Variants in INVS observed in about 807,000 individuals in gnomAD.
The protein encoded by INVS is inversin.
In INVS, 86 loss-of-function variants were observed where a neutral mutation model predicts 108.8. The ratio of observed to expected loss-of-function variants is 0.79; its 90% CI spans 0.66 to 0.95. INVS has a LOEUF of 0.95. Among genes scored for constraint, INVS ranks in the 40% least tolerant of loss-of-function variants. The pLI, the probability that INVS is intolerant of heterozygous loss-of-function variation, is 0.00. For missense variants in INVS, 1,169 were observed against 1,297.4 expected, an observed-to-expected ratio of 0.90 and a Z score of 1.52; for synonymous variants, 455 against 473.5, an observed-to-expected ratio of 0.96 and a Z score of 0.51.
intron 3 of INVS, among the ~76,000 whole-genome samples, chr9:100,191,385 T>A (rs1419274474): frequency 2.0e-5 from 3 of 152,172 alleles, no homozygotes; most frequent in African/African-American, 7.2e-5. Context: ...TTTAATTATA[T>A]TTTCTTTACT....
chr9:100,152,104 C>T (rs1828825021), intron 3 of INVS, among the ~76,000 whole-genome samples: 1 of 152,194 alleles, frequency 6.6e-6, no homozygotes, highest in Admixed American at 6.5e-5. Context: ...TTTGTTCCTC[C>T]AGTACCTTGT....
At chr9:100,105,869 T>TTTTTTTTTTC (rs1827160993) in intron 2 of INVS, among the ~76,000 whole-genome samples, 1 of 145,596 alleles carries the variant, frequency 6.9e-6, no homozygotes, top group East Asian at 2.0e-4. Flanking sequence ...TTTTTTTTTT[T>TTTTTTTTTTC]TTTTTTGCCT....
intron 8 of INVS, 66 bp from the exon 9 acceptor site, chr9:100,252,217 A>G (rs1167075941): frequency 1.4e-6 from 2 of 1,446,708 alleles, no homozygotes; most frequent in African/African-American, 1.4e-5. Context: ...AGGAAAAGAC[A>G]TATAATAATT....
chr9:100,260,958 G>A (rs1832602553), intron 10 of INVS, among the ~76,000 whole-genome samples: 1 of 152,028 alleles, frequency 6.6e-6, no homozygotes, highest in East Asian at 1.9e-4. Flanking sequence ...ATATGATTAG[G>A]CTCTCATATA....
At chr9:100,170,914 GT>G (rs1302736167) in intron 3 of INVS, among the ~76,000 whole-genome samples, 2 of 152,192 alleles carry the variant, frequency 1.3e-5, no homozygotes, top group Non-Finnish European at 2.9e-5. Flanking sequence ...TAGTATTCCT[GT>G]GTTAAATGCT....
At chr9:100,171,272 A>G (rs1454505215) in intron 3 of INVS, among the ~76,000 whole-genome samples, 3 of 152,212 alleles carry the variant, frequency 2.0e-5, no homozygotes, top group Non-Finnish European at 2.9e-5. Context: ...ACGTTTAGAC[A>G]CATGAATACT....
In INVS at chr9:100,288,508, G is replaced by T. The variant is rs373853619; in HGVS notation, c.2069-3818G>T. Among the ~76,000 whole-genome samples, 5 of 152,074 alleles carry T rather than the reference G, an allele frequency of 3.3e-5. No homozygotes were observed. In the South Asian group the frequency reaches 8.3e-4, roughly 25 times the overall value. ...GCTTTGCTCTAATTTGAGTGGCTTA[G>T]ATTTCTGTGGGAAAATGCCCTTGAG... On this transcript the variant is annotated intron_variant, in intron 13 of 16. Coordinates refer to ENST00000262457, the MANE Select transcript of INVS (RefSeq NM_014425.5).
chr9:100,135,453 AT>A (rs1828194435), intron 3 of INVS, among the ~76,000 whole-genome samples: 1 of 152,190 alleles, frequency 6.6e-6, no homozygotes, highest in Non-Finnish European at 1.5e-5. Flanking sequence ...GGGCCAGAGA[AT>A]GTGCTTATCT....
At chr9:100,105,850 C>CTTTTTTTTTTTTTTTTT (rs543070811) in intron 2 of INVS, among the ~76,000 whole-genome samples, 22 of 63,836 alleles carry the variant, frequency 3.4e-4, no homozygotes, top group Admixed American at 5.1e-4. Flanking sequence ...GAAAAATTCC[C>CTTTTTTTTTTTTTTTTT]TTTTTTTTTT....
chr9:100,271,519 G>T (rs1244425583), intron 11 of INVS, among the ~76,000 whole-genome samples: 5 of 152,162 alleles, frequency 3.3e-5, no homozygotes, highest in African/African-American at 9.7e-5. Context: ...AGAGTGAAAC[G>T]GCTATGTCAA....
At chr9:100,221,101 G>A (rs939552414) in intron 3 of INVS, among the ~76,000 whole-genome samples, 15 of 152,122 alleles carry the variant, frequency 9.9e-5, no homozygotes, top group African/African-American at 2.7e-4. Flanking sequence ...TTTCTGTAAT[G>A]AGAAGGTTTT....
chr9:100,230,025 C>T (rs1397796998), intron 5 of INVS, among the ~76,000 whole-genome samples, 198 bp downstream of exon 5: 1 of 152,062 alleles, frequency 6.6e-6, no homozygotes, highest in Admixed American at 6.6e-5. Context: ...TTCCTATGTC[C>T]CAGTTTTTAA....
At chr9:100,203,366 G>C (rs1294994754) in intron 3 of INVS, among the ~76,000 whole-genome samples, 1 of 151,742 alleles carries the variant, frequency 6.6e-6, no homozygotes, top group African/African-American at 2.4e-5. Flanking sequence ...TTGTCTTTGT[G>C]AACATTTTTT....
chr9:100,186,307 G>A (rs947593203), intron 3 of INVS, among the ~76,000 whole-genome samples: 3 of 151,856 alleles, frequency 2.0e-5, no homozygotes, highest in East Asian at 1.9e-4. Context: ...CCACCACCAC[G>A]CCTGGCTAAT....
intron 2 of INVS, among the ~76,000 whole-genome samples, chr9:100,106,608 G>A (rs985241744): frequency 3.3e-5 from 5 of 152,176 alleles, no homozygotes; most frequent in African/African-American, 9.7e-5. Flanking sequence ...CAACTACTAA[G>A]CAGTTGAACC....
At position 100,252,996 on chromosome 9, in the gene INVS, T is replaced by C. The variant is rs1292747543; in HGVS notation, c.1324T>C (p.Leu442=). 1 of 1,613,980 alleles carries C rather than the reference T, an allele frequency of 6.2e-7. No individual in the cohort carries two copies. The change falls in exon 10 of 17, where the codon TTA becomes CTA. Residue 442 remains leucine, a synonymous_variant. Coordinates refer to ENST00000262457, the MANE Select transcript of INVS (RefSeq NM_014425.5). ...LGGNADVCQI[L]IENKINPNVQ... Reference sequence around the variant, plus strand: ...AGGAAATGCTGATGTTTGCCAGATATTAATAGAAAATAAGATCAATCCAAA... The same window carrying C: ...AGGAAATGCTGATGTTTGCCAGATACTAATAGAAAATAAGATCAATCCAAA...
At chr9:100,116,159 A>G (rs1827517776) in intron 2 of INVS, among the ~76,000 whole-genome samples, 1 of 145,686 alleles carries the variant, frequency 6.9e-6, no homozygotes, top group South Asian at 2.1e-4. Flanking sequence ...GCTGGAGTGC[A>G]GTGGTGCAAT....
intron 13 of INVS, among the ~76,000 whole-genome samples, chr9:100,288,107 G>A (rs543401673): frequency 1.3e-5 from 2 of 152,256 alleles, no homozygotes; most frequent in African/African-American, 4.8e-5. Flanking sequence ...AAAACCAGCT[G>A]GTCACATTTT....
rs1208611550 is a variant in INVS at position 100,252,346 on chromosome 9, C to T, written c.1142C>T (p.Ala381Val). 2 of 1,613,936 alleles carry T rather than the reference C, an allele frequency of 1.2e-6. No individual in the cohort carries two copies. The highest frequency in any genetic ancestry group is 2.2e-5 in the South Asian group (2 of 91,072). The change falls in exon 9 of 17, where the codon GCT becomes GTT. Residue 381 changes from alanine (A) to valine (V), a missense_variant. Coordinates refer to ENST00000262457, the MANE Select transcript of INVS (RefSeq NM_014425.5). ...STVKLLLENN[A>V]QVDATDVMKH... ...GTGAAGTTATTACTGGAAAATAATG[C>T]TCAAGTAGATGCTACTGATGTTATG...
Sources: gnomAD v4.1 joint callset for allele counts (sites outside exome capture counted in the v4.1 genomes callset) on GRCh38, gnomAD v4.1.1 for gene constraint, MANE v1.5 for transcripts, NCBI Gene and HGNC (gene_info 2026-07-23, HGNC 2026-07-21) for gene names.